The following SLC25A48 variants were observed in gnomAD, a reference collection of about 807,000 sequenced individuals.
SLC25A48 encodes solute carrier family 25 member 48, also known as CTC-321K16.1.
SLC25A48 carries 29 observed loss-of-function variants against 32.2 expected under a neutral mutation model. The observed-to-expected ratio is 0.90, with a 90% CI of 0.67 to 1.23. The LOEUF is 1.23. Among genes scored for constraint, SLC25A48 ranks in the 50% most tolerant of loss-of-function variants. SLC25A48 has a pLI of 0.00. For synonymous variants in SLC25A48, 164 were observed against 172.3 expected, an observed-to-expected ratio of 0.95 and a Z score of 0.38; for missense variants, 399 against 422.7, an observed-to-expected ratio of 0.94 and a Z score of 0.49.
chr5:135,773,949 G>A (rs78690355), intron 3 of SLC25A48, among the ~76,000 whole-genome samples: 6,453 of 151,736 alleles, frequency 0.043, 279 homozygotes, highest in African/African-American at 0.11. Flanking sequence ...TAACCCAGAG[G>A]ATGTAAACTT....
intron 3 of SLC25A48, among the ~76,000 whole-genome samples, chr5:135,719,721 TG>T (rs1454484318): frequency 6.6e-6 from 1 of 152,248 alleles, no homozygotes; most frequent in East Asian, 1.9e-4. Flanking sequence ...GCTGAGGGTA[TG>T]GCCTCTCTCC....
chr5:135,790,324 CTGTTA>C (rs1414666717), intron 3 of SLC25A48, among the ~76,000 whole-genome samples: 1 of 151,310 alleles, frequency 6.6e-6, no homozygotes, highest in Non-Finnish European at 1.5e-5. Flanking sequence ...TGTGTATACT[CTGTTA>C]TATTATTCAT....
chr5:135,643,623 T>C (rs948392915), intron 3 of SLC25A48, among the ~76,000 whole-genome samples: 13 of 152,282 alleles, frequency 8.5e-5, no homozygotes, highest in African/African-American at 2.4e-4. Context: ...ACTCTCCCAA[T>C]GGAAAGTCCG....
chr5:135,742,925 C>G (rs1755532336), intron 3 of SLC25A48, among the ~76,000 whole-genome samples: 1 of 149,014 alleles, frequency 6.7e-6, no homozygotes, highest in Non-Finnish European at 1.5e-5. Context: ...GGGACAAAAT[C>G]CCCCAGGGAC....
At chr5:135,659,437 T>C (rs909119446) in intron 3 of SLC25A48, among the ~76,000 whole-genome samples, 1 of 152,190 alleles carries the variant, frequency 6.6e-6, no homozygotes, top group Non-Finnish European at 1.5e-5. Context: ...CCATCAGCAT[T>C]TTGGTCAAAA....
intron 1 of SLC25A48, among the ~76,000 whole-genome samples, chr5:135,622,832 T>G (rs1300152322): frequency 6.6e-6 from 1 of 152,230 alleles, no homozygotes; most frequent in Admixed American, 6.5e-5. Context: ...AAATAAATGT[T>G]ACTTTAAAAT....
chr5:135,828,209 A>G (rs1217190833), intron 4 of SLC25A48, among the ~76,000 whole-genome samples: 3 of 152,240 alleles, frequency 2.0e-5, no homozygotes, highest in African/African-American at 7.2e-5. Flanking sequence ...CTCAGCTGGA[A>G]GGGCAGTTTG....
intron 3 of SLC25A48, among the ~76,000 whole-genome samples, chr5:135,780,160 CTTTTTTTT>C (rs34277772): frequency 0.014 from 532 of 38,860 alleles, 45 homozygotes; most frequent in African/African-American, 0.03. Context: ...GTTTCTTCGT[CTTTTTTTT>C]TTTTTTTTTT....
At chr5:135,591,242 A>G (rs1751519910) in intron 1 of SLC25A48, among the ~76,000 whole-genome samples, 1 of 152,252 alleles carries the variant, frequency 6.6e-6, no homozygotes, top group African/African-American at 2.4e-5. Context: ...GGAGGCAGGC[A>G]TTCTGATCCC....
intron 3 of SLC25A48, among the ~76,000 whole-genome samples, chr5:135,641,991 G>C (rs547638512): frequency 6.6e-6 from 1 of 152,188 alleles, no homozygotes; most frequent in African/African-American, 2.4e-5. Flanking sequence ...ATATTTTTCT[G>C]AAGGCAGAAC....
chr5:135,815,336 A>G (rs766371056), intron 4 of SLC25A48, among the ~76,000 whole-genome samples: 2 of 152,210 alleles, frequency 1.3e-5, no homozygotes, highest in African/African-American at 2.4e-5. Flanking sequence ...TTGTGCTCCT[A>G]TGAGAATTTC....
At position 135,773,382 on chromosome 5, in the gene SLC25A48, C is replaced by T. The variant is rs371146816; in HGVS notation, c.-520-39141C>T. Among the ~76,000 whole-genome samples the T allele has an allele frequency of 2.4e-4, 36 of 150,948 alleles. No individual in the cohort carries two copies. The East Asian group carries it at 3.9e-3, about 17-fold the overall frequency. ...ACAATATCATAGCGGGGTGTACACC[C>T]CCTGTGACAATATCATAAAATCCAG... On this transcript the variant is annotated intron_variant, in intron 3 of 10. Coordinates refer to the SLC25A48 transcript ENST00000646290.
At chr5:135,849,591 G>A (rs1302592433) in intron 2 of SLC25A48, among the ~76,000 whole-genome samples, 1 of 152,134 alleles carries the variant, frequency 6.6e-6, no homozygotes, top group South Asian at 2.1e-4. Context: ...CCCAGCTCTG[G>A]GGATGGAAGG....
Position 135,855,087 on chromosome 5 carries a change from C to T in SLC25A48, c.421+2266C>T, listed in dbSNP as rs1346814508. On this transcript the variant is annotated intron_variant, in intron 4 of 7. Coordinates refer to ENST00000681962, the MANE Select transcript of SLC25A48 (RefSeq NM_001349336.2). ...TCTTATATGGACACAGCTTGTTGTA[C>T]CCCCAAACAATGACATTAGTAGCAT... Among the ~76,000 whole-genome samples, 3 of 152,102 alleles carry T rather than the reference C, an allele frequency of 2.0e-5. No homozygotes were observed. In the East Asian group the frequency reaches 5.8e-4, roughly 29 times the overall value.
chr5:135,846,166 T>C (rs150439011), intron 2 of SLC25A48, among the ~76,000 whole-genome samples: 1 of 152,292 alleles, frequency 6.6e-6, no homozygotes, highest in East Asian at 1.9e-4. Flanking sequence ...TGCCCGCTCT[T>C]TATGAGAATC....
At chr5:135,869,186 CA>C (rs796133730) in intron 4 of SLC25A48, among the ~76,000 whole-genome samples, 10 of 150,270 alleles carry the variant, frequency 6.7e-5, no homozygotes, top group East Asian at 3.9e-4. Context: ...AAAGTTTTTT[CA>C]AAAAAAAATA....
At chr5:135,769,108 T>TC (rs1293951233) in intron 3 of SLC25A48, among the ~76,000 whole-genome samples, 1 of 151,598 alleles carries the variant, frequency 6.6e-6, no homozygotes, top group Non-Finnish European at 1.5e-5. Context: ...GTTTGTAATA[T>TC]TCAGGCAGGG....
At chr5:135,822,218 G>A (rs1280112465) in intron 4 of SLC25A48, 2 of 152,228 alleles carry the variant, frequency 1.3e-5, no homozygotes, top group Non-Finnish European at 2.9e-5. Flanking sequence ...CTGCTCACAG[G>A]GTGGTGCTGG....
intron 3 of SLC25A48, among the ~76,000 whole-genome samples, chr5:135,775,613 G>T (rs1345437184): frequency 1.3e-5 from 2 of 151,402 alleles, no homozygotes; most frequent in African/African-American, 4.9e-5. Flanking sequence ...AACGCAGGAG[G>T]TGTACCCCAT....
Sources: allele counts gnomAD v4.1 joint callset (sites outside exome capture counted in the v4.1 genomes callset), GRCh38; gene constraint gnomAD v4.1.1; transcripts MANE v1.5; gene names NCBI Gene and HGNC (gene_info 2026-07-23, HGNC 2026-07-21).